Variants in DPP10 observed in about 807,000 individuals in gnomAD.
DPP10 encodes inactive dipeptidyl peptidase 10.
A neutral mutation model predicts 120.9 loss-of-function variants in DPP10; 33 were observed. The observed-to-expected ratio is 0.27, with a 90% CI of 0.21 to 0.37. The LOEUF is 0.37. Ranked by LOEUF, DPP10 falls within the 10% of genes least tolerant of loss-of-function variation. DPP10 has a pLI of 1.00. For missense variants in DPP10, 816 were observed against 942.8 expected, an observed-to-expected ratio of 0.87 and a Z score of 1.76; for synonymous variants, 337 against 326.1, an observed-to-expected ratio of 1.03 and a Z score of -0.36.
rs544324197 is a variant in DPP10 at position 115,078,600 on chromosome 2, G to A, written c.61-230639G>A. Among the ~76,000 whole-genome samples the A allele has an allele frequency of 1.1e-4, 16 of 152,182 alleles. No individual in the cohort carries two copies. The South Asian group carries it at 2.1e-3, about 20-fold the overall frequency. On this transcript the variant is annotated intron_variant, in intron 1 of 25. Transcript: ENST00000410059. ...TAGTATGCTAAAATCTAAACAATAC[G>A]TAGAGTCTATAAAGGATAACTTTTA... is the stretch of plus-strand genomic sequence containing the variant.
At chr2:115,503,104 TCTA>T (rs1389827643) in intron 4 of DPP10, among the ~76,000 whole-genome samples, 2 of 152,078 alleles carry the variant, frequency 1.3e-5, no homozygotes, top group Non-Finnish European at 2.9e-5. Context: ...TTAAATACAT[TCTA>T]CTAAAAAAGT....
intron 3 of DPP10, among the ~76,000 whole-genome samples, chr2:115,433,736 A>T (rs942843828): frequency 1.3e-4 from 19 of 151,984 alleles, no homozygotes; most frequent in African/African-American, 4.6e-4. Flanking sequence ...GGAGTTTTTT[A>T]AAAACTCCAT....
At chr2:115,076,921 T>C (rs1042356899) in intron 1 of DPP10, among the ~76,000 whole-genome samples, 2 of 152,266 alleles carry the variant, frequency 1.3e-5, no homozygotes, top group Non-Finnish European at 2.9e-5. Flanking sequence ...CACTGCTATA[T>C]TGTTTTCCAA....
chr2:114,625,656 C>T (rs922548981), intron 1 of DPP10, among the ~76,000 whole-genome samples: 1 of 151,800 alleles, frequency 6.6e-6, no homozygotes, highest in Non-Finnish European at 1.5e-5. Context: ...ATCAAAGAGC[C>T]TTTTAAAATA....
intron 1 of DPP10, among the ~76,000 whole-genome samples, chr2:115,191,045 A>G (rs1056106707): frequency 6.6e-5 from 10 of 152,132 alleles, no homozygotes; most frequent in African/African-American, 2.2e-4. Flanking sequence ...AAAGGATCCT[A>G]TGGGGTCCTT....
chr2:115,651,160 G>A (rs937404351), intron 5 of DPP10, among the ~76,000 whole-genome samples: 2 of 151,952 alleles, frequency 1.3e-5, no homozygotes, highest in African/African-American at 2.4e-5. Context: ...GTAGTAACTA[G>A]TCCAAAACTA....
At chr2:115,115,935 A>G (rs907686022) in intron 1 of DPP10, among the ~76,000 whole-genome samples, 3 of 152,208 alleles carry the variant, frequency 2.0e-5, no homozygotes, top group African/African-American at 7.2e-5. Context: ...CAAAAAAAGC[A>G]GAAGGAAAGT....
At chr2:115,799,320 A>G (rs1033025075) in intron 19 of DPP10, among the ~76,000 whole-genome samples, 3 of 152,196 alleles carry the variant, frequency 2.0e-5, no homozygotes, top group Admixed American at 1.3e-4. Flanking sequence ...AATTATATTG[A>G]TACATATATG....
chr2:115,284,306 TTTA>T (rs1293462110), intron 1 of DPP10, among the ~76,000 whole-genome samples: 1 of 152,040 alleles, frequency 6.6e-6, no homozygotes, highest in Non-Finnish European at 1.5e-5. Flanking sequence ...TTCTGATTTG[TTTA>T]ACCTTGTCAT....
At chr2:115,245,660 GAAA>G (rs1225408295) in intron 1 of DPP10, among the ~76,000 whole-genome samples, 1 of 151,880 alleles carries the variant, frequency 6.6e-6, no homozygotes, top group Non-Finnish European at 1.5e-5. Flanking sequence ...GTCATTATAA[GAAA>G]AAAAGACCCT....
At chr2:115,411,348 A>G (rs1574757509) in intron 3 of DPP10, among the ~76,000 whole-genome samples, 1 of 152,118 alleles carries the variant, frequency 6.6e-6, no homozygotes, top group South Asian at 2.1e-4. Context: ...AAAGGAGAGA[A>G]AAAAAAGAAA....
intron 1 of DPP10, among the ~76,000 whole-genome samples, chr2:114,929,358 G>A (rs1695891835): frequency 6.6e-6 from 1 of 152,148 alleles, no homozygotes; most frequent in Non-Finnish European, 1.5e-5. Context: ...CGCCAGGCTG[G>A]AATTTCCTAA....
chr2:115,024,132 C>G (rs1703278703), intron 1 of DPP10, among the ~76,000 whole-genome samples: 1 of 152,034 alleles, frequency 6.6e-6, no homozygotes, highest in Admixed American at 6.6e-5. Context: ...AACCAAACAC[C>G]ACCTGTTCCC....
At chr2:115,702,720 G>T (rs180962884) in intron 7 of DPP10, among the ~76,000 whole-genome samples, 1 of 152,226 alleles carries the variant, frequency 6.6e-6, no homozygotes, top group Admixed American at 6.5e-5. Context: ...GGGAGTGATA[G>T]CTAAAGTATA....
At chr2:115,052,546 T>C (rs1032063665) in intron 1 of DPP10, among the ~76,000 whole-genome samples, 3 of 152,144 alleles carry the variant, frequency 2.0e-5, no homozygotes, top group South Asian at 2.1e-4. Context: ...AAAGAGGATA[T>C]ACAAATGAAC....
At chr2:115,107,345 G>A (rs1573638510) in intron 1 of DPP10, among the ~76,000 whole-genome samples, 1 of 141,984 alleles carries the variant, frequency 7.0e-6, no homozygotes, top group East Asian at 2.2e-4. Context: ...TGTTTAGTAA[G>A]AGAAAGGAGA....
chr2:114,647,767 T>G (rs78367596), intron 1 of DPP10, among the ~76,000 whole-genome samples: 2,428 of 150,926 alleles, frequency 0.016, 49 homozygotes, highest in African/African-American at 0.054. Context: ...ACACAGCATT[T>G]CTCTTACTGG....
intron 1 of DPP10, among the ~76,000 whole-genome samples, chr2:115,047,143 A>G (rs1559032301): frequency 6.6e-6 from 1 of 152,112 alleles, no homozygotes; most frequent in Non-Finnish European, 1.5e-5. Flanking sequence ...AACAATTAAG[A>G]TAATACTTGA....
chr2:115,102,049 CA>C (rs1364737095), intron 1 of DPP10, among the ~76,000 whole-genome samples: 1 of 152,196 alleles, frequency 6.6e-6, no homozygotes, highest in African/African-American at 2.4e-5. Context: ...GCTGCTATAA[CA>C]AAATATTATA....
Sources: gnomAD v4.1 joint callset for allele counts (sites outside exome capture counted in the v4.1 genomes callset) on GRCh38, gnomAD v4.1.1 for gene constraint, MANE v1.5 for transcripts, NCBI Gene and HGNC (gene_info 2026-07-23, HGNC 2026-07-21) for gene names.